TTLL11: variants seen among roughly 807,000 people sequenced by gnomAD.
TTLL11 encodes tubulin polyglutamylase TTLL11.
A neutral mutation model predicts 51.7 loss-of-function variants in TTLL11; 42 were observed. That is an observed-to-expected ratio of 0.81 (90% CI 0.64 to 1.05). The LOEUF is 1.05. Among genes scored for constraint, TTLL11 ranks in the 50% least tolerant of loss-of-function variants. The pLI, the probability that TTLL11 is intolerant of heterozygous loss-of-function variation, is 0.00. For missense variants in TTLL11, 799 were observed against 940.4 expected (o/e 0.85, Z 1.97); for synonymous variants, 381 against 383.5 (o/e 0.99, Z 0.08).
intron 6 of TTLL11, among the ~76,000 whole-genome samples, chr9:121,927,034 C>T (rs933427141): frequency 2.0e-5 from 3 of 152,284 alleles, no homozygotes; most frequent in Admixed American, 6.5e-5. Flanking sequence ...TGAGGTTCCA[C>T]CCCCATGACC....
At chr9:121,846,186 A>G (rs1414916119) in intron 8 of TTLL11, among the ~76,000 whole-genome samples, 1 of 152,236 alleles carries the variant, frequency 6.6e-6, no homozygotes, top group African/African-American at 2.4e-5. Context: ...ATTATCAGGG[A>G]TAAAGGTGAG....
intron 6 of TTLL11, among the ~76,000 whole-genome samples, chr9:121,874,689 T>A (rs1018073360): frequency 6.6e-6 from 1 of 152,136 alleles, no homozygotes; most frequent in African/African-American, 2.4e-5. Context: ...TGTCACATGG[T>A]CTGTCATTTG....
At chr9:121,851,557 G>A (rs1278830863) in intron 8 of TTLL11, among the ~76,000 whole-genome samples, 1 of 152,210 alleles carries the variant, frequency 6.6e-6, no homozygotes, top group East Asian at 1.9e-4. Flanking sequence ...AATGTAGCTG[G>A]TGTTGGCGTC....
At chr9:122,066,418 A>G (rs1231886187) in intron 1 of TTLL11, among the ~76,000 whole-genome samples, 1 of 152,192 alleles carries the variant, frequency 6.6e-6, no homozygotes, top group Non-Finnish European at 1.5e-5. Flanking sequence ...TCACTGAGCC[A>G]GAGTCCAGGG....
chr9:121,827,073 T>C (rs1486771832), intron 8 of TTLL11, among the ~76,000 whole-genome samples: 1 of 152,194 alleles, frequency 6.6e-6, no homozygotes, highest in East Asian at 1.9e-4. Context: ...TCCCATGGGT[T>C]TGGACCCATA....
chr9:122,064,671 G>A (rs1340763224), intron 1 of TTLL11, among the ~76,000 whole-genome samples: 1 of 152,128 alleles, frequency 6.6e-6, no homozygotes, highest in Non-Finnish European at 1.5e-5. Flanking sequence ...AATCTAGTGG[G>A]GGATGACAGA....
chr9:122,026,942 G>A lies in TTLL11; in HGVS notation c.693+4781C>T, dbSNP rs544039731. On this transcript the variant is annotated intron_variant, in intron 3 of 8. Coordinates refer to ENST00000321582, the MANE Select transcript of TTLL11 (RefSeq NM_001139442.2). ...AAAAAAAAAAAAAAACTAGCCAGTC[G>A]TATTAGACTGTTCTCACACTGCTAT... is the stretch of plus-strand genomic sequence containing the variant. 4.7e-5 allele frequency among the ~76,000 whole-genome samples: 7 copies of A among 149,246 alleles called. No homozygotes were observed. In the East Asian group the frequency reaches 5.9e-4, roughly 13 times the overall value.
chr9:122,048,274 CTCCCGCAT>C, intron 1 of TTLL11, among the ~76,000 whole-genome samples: 1 of 152,178 alleles, frequency 6.6e-6, no homozygotes, highest in East Asian at 1.9e-4. Context: ...TCAAGTGATC[CTCCCGCAT>C]CAGCCTCCCT....
chr9:121,850,032 T>G (rs1212837443), intron 8 of TTLL11, among the ~76,000 whole-genome samples: 1 of 151,546 alleles, frequency 6.6e-6, no homozygotes, highest in East Asian at 1.9e-4. Context: ...TACACTGTAT[T>G]TTTTATTTGT....
intron 8 of TTLL11, among the ~76,000 whole-genome samples, chr9:121,828,036 G>A (rs943742408): frequency 6.6e-6 from 1 of 152,144 alleles, no homozygotes; most frequent in African/African-American, 2.4e-5. Flanking sequence ...CATATAATGA[G>A]AGTCTTAGCA....
At chr9:121,947,366 C>T (rs1366959066) in intron 6 of TTLL11, among the ~76,000 whole-genome samples, 4 of 152,166 alleles carry the variant, frequency 2.6e-5, no homozygotes, top group Non-Finnish European at 5.9e-5. Flanking sequence ...AAATTATGTT[C>T]CTTCAATTTC....
intron 1 of TTLL11, among the ~76,000 whole-genome samples, chr9:122,041,487 CTGTT>C (rs1588231748): frequency 6.6e-6 from 1 of 152,286 alleles, no homozygotes; most frequent in African/African-American, 2.4e-5. Flanking sequence ...GCAAAATTAT[CTGTT>C]TGTTGATGAC....
At chr9:121,993,265 TAC>T (rs1359794084) in intron 3 of TTLL11, among the ~76,000 whole-genome samples, 3 of 152,244 alleles carry the variant, frequency 2.0e-5, no homozygotes, top group Admixed American at 6.5e-5. Flanking sequence ...ACATACAATG[TAC>T]ATTTAAAAAT....
intron 8 of TTLL11, among the ~76,000 whole-genome samples, chr9:121,837,129 C>T (rs1262007804): frequency 1.3e-5 from 2 of 152,258 alleles, no homozygotes; most frequent in East Asian, 3.9e-4. Flanking sequence ...GTATAGAATT[C>T]CATAGTATAG....
At position 121,900,313 on chromosome 9, in the gene TTLL11, C is replaced by G. The variant is rs373152459; in HGVS notation, c.1482-29565G>C. On this transcript the variant is annotated intron_variant, in intron 6 of 8. Coordinates refer to ENST00000321582, the MANE Select transcript of TTLL11 (RefSeq NM_001139442.2). The stretch of plus-strand genomic sequence containing the variant: ...TGAGCACTCAAACAGATTTCACTGA[C>G]TTGTGAATTGCATTGTTACTGTTGC... Among the ~76,000 whole-genome samples the G allele has an allele frequency of 5.9e-5, 9 of 152,368 alleles. No homozygotes were observed. The East Asian group carries it at 1.2e-3, about 20-fold the overall frequency.
intron 7 of TTLL11, among the ~76,000 whole-genome samples, chr9:121,867,345 G>T (rs1422419964): frequency 6.6e-6 from 1 of 152,178 alleles, no homozygotes; most frequent in African/African-American, 2.4e-5. Flanking sequence ...GACACGGGAT[G>T]TGCTCTCCAG....
chr9:121,833,682 C>T (rs1467397810), intron 8 of TTLL11, among the ~76,000 whole-genome samples: 1 of 152,024 alleles, frequency 6.6e-6, no homozygotes, highest in African/African-American at 2.4e-5. Flanking sequence ...ACATGCGTAG[C>T]TGACTTTCAA....
intron 1 of TTLL11, among the ~76,000 whole-genome samples, chr9:122,074,011 A>C (rs112337919): frequency 6.6e-6 from 1 of 152,156 alleles, no homozygotes; most frequent in Non-Finnish European, 1.5e-5. Context: ...AGTGGCTTAC[A>C]CCTGTAATCC....
intron 1 of TTLL11, among the ~76,000 whole-genome samples, chr9:122,087,840 T>C (rs1365818601): frequency 1.3e-5 from 2 of 152,192 alleles, no homozygotes; most frequent in African/African-American, 4.8e-5. Flanking sequence ...CCAGAAACCA[T>C]GCCTTTCTTT....
Sources: allele counts gnomAD v4.1 joint callset (sites outside exome capture counted in the v4.1 genomes callset), GRCh38; gene constraint gnomAD v4.1.1; transcripts MANE v1.5; gene names NCBI Gene and HGNC (gene_info 2026-07-23, HGNC 2026-07-21).